The following PDE7B variants were observed in gnomAD, a reference collection of about 807,000 sequenced individuals.
The protein encoded by PDE7B is phosphodiesterase 7B.
In PDE7B, 29 loss-of-function variants were observed where a neutral mutation model predicts 56.2. That is an observed-to-expected ratio of 0.52 (90% CI 0.38 to 0.70). The LOEUF is 0.70. Among genes scored for constraint, PDE7B ranks in the 30% least tolerant of loss-of-function variants. The probability of loss-of-function intolerance (pLI) is 0.00; values close to 1 mark genes in which losing one functional copy is unlikely to be tolerated. For missense variants in PDE7B, 490 were observed against 565.0 expected (o/e 0.87, Z 1.35); for synonymous variants, 197 against 196.9 (o/e 1.00, Z 0.00).
At chr6:135,972,258 A>C (rs1032746741) in intron 2 of PDE7B, among the ~76,000 whole-genome samples, 16 of 149,522 alleles carry the variant, frequency 1.1e-4, no homozygotes, top group African/African-American at 3.8e-4. Flanking sequence ...AAAAAAAAAA[A>C]AAACCCAAAA....
intron 2 of PDE7B, chr6:136,034,928 C>G (rs1306744925): frequency 6.6e-6 from 1 of 152,262 alleles, no homozygotes; most frequent in Admixed American, 6.5e-5. Flanking sequence ...CTTCCAGGAA[C>G]AGCAAAGTCT....
intron 2 of PDE7B, among the ~76,000 whole-genome samples, chr6:136,075,790 G>A (rs190775324): frequency 3.4e-4 from 52 of 152,230 alleles, no homozygotes; most frequent in Non-Finnish European, 5.4e-4. Context: ...AGTCCTTACA[G>A]AACAATGCCT....
At chr6:135,931,129 G>T (rs886709350) in intron 1 of PDE7B, among the ~76,000 whole-genome samples, 1 of 152,130 alleles carries the variant, frequency 6.6e-6, no homozygotes, top group Non-Finnish European at 1.5e-5. Flanking sequence ...CCACATACAG[G>T]TTCAAATTCG....
chr6:136,082,195 TCACA>T (rs1777217892), intron 2 of PDE7B, among the ~76,000 whole-genome samples: 1 of 152,160 alleles, frequency 6.6e-6, no homozygotes, highest in South Asian at 2.1e-4. Context: ...CACAGAGGTG[TCACA>T]CACAGGCCTT....
chr6:136,162,484 G>A (rs745363543), intron 8 of PDE7B: 1 of 152,118 alleles, frequency 6.6e-6, no homozygotes, highest in Non-Finnish European at 1.5e-5. Flanking sequence ...CACATGTAGG[G>A]CTTATGGGAA....
chr6:136,158,363 C>A (rs866173320), intron 8 of PDE7B, among the ~76,000 whole-genome samples: 4 of 152,220 alleles, frequency 2.6e-5, no homozygotes, highest in Middle Eastern at 3.4e-3. Context: ...TGTACATATA[C>A]GCACAAAAAT....
chr6:136,163,338 G>A (rs544171514), intron 8 of PDE7B, among the ~76,000 whole-genome samples: 9 of 152,364 alleles, frequency 5.9e-5, no homozygotes, highest in Admixed American at 5.2e-4. Flanking sequence ...ACCTTCTGAA[G>A]CAATGGCCTG....
At chr6:135,949,643 A>G (rs575480520) in intron 2 of PDE7B, among the ~76,000 whole-genome samples, 1 of 152,282 alleles carries the variant, frequency 6.6e-6, no homozygotes, top group South Asian at 2.1e-4. Context: ...CTTTCAAAAT[A>G]TAGATATCTC....
At chr6:135,970,052 T>C (rs1394597558) in intron 2 of PDE7B, among the ~76,000 whole-genome samples, 1 of 152,180 alleles carries the variant, frequency 6.6e-6, no homozygotes, top group Non-Finnish European at 1.5e-5. Context: ...CAATTTATTG[T>C]TTCTGTAAAT....
At chr6:135,937,963 C>G (rs1466973367) in intron 1 of PDE7B, among the ~76,000 whole-genome samples, 1 of 152,146 alleles carries the variant, frequency 6.6e-6, no homozygotes, top group Non-Finnish European at 1.5e-5. Context: ...ACAGCAGGCC[C>G]CATTATGGTT....
At chr6:135,967,843 A>G (rs867072334) in intron 2 of PDE7B, among the ~76,000 whole-genome samples, 1 of 152,322 alleles carries the variant, frequency 6.6e-6, no homozygotes, top group Middle Eastern at 3.4e-3. Context: ...GATATCCACA[A>G]GGGGCCAGCG....
chr6:135,900,723 T>C (rs1775984506), intron 1 of PDE7B, among the ~76,000 whole-genome samples: 1 of 152,054 alleles, frequency 6.6e-6, no homozygotes, highest in Non-Finnish European at 1.5e-5. Context: ...ATAATTTCCT[T>C]ATTCTGTATT....
intron 2 of PDE7B, among the ~76,000 whole-genome samples, chr6:135,988,563 C>T (rs1397227283): frequency 6.6e-6 from 1 of 151,828 alleles, no homozygotes; most frequent in Non-Finnish European, 1.5e-5. Flanking sequence ...ATATAAAGAC[C>T]GAAGTAATCT....
At chr6:135,979,204 GC>G (rs1424368204) in intron 2 of PDE7B, among the ~76,000 whole-genome samples, 1 of 151,734 alleles carries the variant, frequency 6.6e-6, no homozygotes, top group Non-Finnish European at 1.5e-5. Flanking sequence ...TATTGAACCA[GC>G]CTTGCATCCC....
chr6:136,119,786 T>G (rs1355427781), intron 3 of PDE7B, among the ~76,000 whole-genome samples: 1 of 152,210 alleles, frequency 6.6e-6, no homozygotes, highest in Non-Finnish European at 1.5e-5. Context: ...GTTGGGCTCT[T>G]CTTACATTCT....
chr6:136,175,793 G>T (rs761759803), intron 9 of PDE7B, among the ~76,000 whole-genome samples: 1 of 152,030 alleles, frequency 6.6e-6, no homozygotes, highest in South Asian at 2.1e-4. Context: ...AGTATTTGTA[G>T]ATAAAAATTA....
At chr6:136,144,014 T>C (rs551967849) in intron 3 of PDE7B, among the ~76,000 whole-genome samples, 16 of 152,072 alleles carry the variant, frequency 1.1e-4, no homozygotes, top group Non-Finnish European at 1.5e-4. Context: ...GGGGGAATTT[T>C]AAAGAATATG....
At chr6:135,923,026 GA>G (rs1774116624) in intron 1 of PDE7B, among the ~76,000 whole-genome samples, 1 of 152,102 alleles carries the variant, frequency 6.6e-6, no homozygotes, top group Non-Finnish European at 1.5e-5. Context: ...TTAATAAAGG[GA>G]TCCAACCACC....
intron 2 of PDE7B, among the ~76,000 whole-genome samples, chr6:136,023,581 G>A (rs1201822433): frequency 6.6e-6 from 1 of 152,142 alleles, no homozygotes; most frequent in African/African-American, 2.4e-5. Flanking sequence ...CCTTCGAGCA[G>A]AGCATCTTTC....
Sources: gnomAD v4.1 joint callset for allele counts (sites outside exome capture counted in the v4.1 genomes callset) on GRCh38, gnomAD v4.1.1 for gene constraint, MANE v1.5 for transcripts, NCBI Gene and HGNC (gene_info 2026-07-23, HGNC 2026-07-21) for gene names.